Variants in YWHAG observed in about 807,000 individuals in gnomAD.
The protein encoded by YWHAG is tyrosine 3-monooxygenase/tryptophan 5-monooxygenase activation protein gamma, also known as 14-3-3 protein gamma.
In YWHAG, 1 loss-of-function variant was observed where a neutral mutation model predicts 23.3. The ratio of observed to expected loss-of-function variants is 0.04; its 90% CI spans 0.02 to 0.20. The LOEUF is 0.20. Ranked by LOEUF, YWHAG falls within the 10% of genes least tolerant of loss-of-function variation. YWHAG has a pLI of 1.00. For missense variants in YWHAG, 151 were observed against 338.6 expected, an observed-to-expected ratio of 0.45 and a Z score of 4.35; for synonymous variants, 160 against 144.0, an observed-to-expected ratio of 1.11 and a Z score of -0.80.
At chr7:76,331,399 C>T (rs75647483) in intron 1 of YWHAG, among the ~76,000 whole-genome samples, 2,209 of 152,130 alleles carry the variant, frequency 0.015, 57 homozygotes, top group African/African-American at 0.05. Flanking sequence ...CATACAGAGA[C>T]GACAGGTAGG....
chr7:76,348,138 C>A (rs58694765), intron 1 of YWHAG, among the ~76,000 whole-genome samples: 1 of 152,154 alleles, frequency 6.6e-6, no homozygotes, highest in Non-Finnish European at 1.5e-5. Flanking sequence ...TTCCATGCAT[C>A]TGCAAGCAAT....
At position 76,342,800 on chromosome 7, in the gene YWHAG, G is replaced by A. The variant is rs570511521; in HGVS notation, c.88-12567C>T. Among the ~76,000 whole-genome samples the A allele has an allele frequency of 3.3e-5, 5 of 152,192 alleles. No homozygotes were observed. In the South Asian group the frequency reaches 1.0e-3, roughly 32 times the overall value. ...TTTATCATAGATCTGACTTGGAAGT[G>A]GCGGGGAGAGAGGACTTTCCCACCA... is the stretch of plus-strand genomic sequence containing the variant. On this transcript the variant is annotated intron_variant, in intron 1 of 1. Transcript: ENST00000307630.
intron 1 of YWHAG, among the ~76,000 whole-genome samples, chr7:76,339,717 A>T (rs1318076672): frequency 6.6e-6 from 1 of 152,176 alleles, no homozygotes; most frequent in Non-Finnish European, 1.5e-5. Context: ...CAACACGAAG[A>T]CCGTAAGGAT....
chr7:76,339,453 G>A (rs1042670125), intron 1 of YWHAG, among the ~76,000 whole-genome samples: 3 of 152,108 alleles, frequency 2.0e-5, no homozygotes, highest in Non-Finnish European at 2.9e-5. Flanking sequence ...CTGGGCAACA[G>A]AGCAAGATTA....
At chr7:76,349,448 C>G (rs1018669153) in intron 1 of YWHAG, among the ~76,000 whole-genome samples, 36 of 146,292 alleles carry the variant, frequency 2.5e-4, no homozygotes, top group Non-Finnish European at 4.2e-4. Flanking sequence ...CACACAGACA[C>G]ACACACACAC....
chr7:76,354,568 T>A (rs1803922984), intron 1 of YWHAG, among the ~76,000 whole-genome samples: 1 of 152,134 alleles, frequency 6.6e-6, no homozygotes. Context: ...TTAGGACTGC[T>A]GATATTGGGA....
At chr7:76,340,068 G>C (rs573154978) in intron 1 of YWHAG, among the ~76,000 whole-genome samples, 13 of 151,988 alleles carry the variant, frequency 8.6e-5, no homozygotes, top group Non-Finnish European at 1.6e-4. Context: ...CTGCCTGGGC[G>C]ACACAGCGAG....
At chr7:76,347,096 C>A (rs1169526307) in intron 1 of YWHAG, among the ~76,000 whole-genome samples, 2 of 152,156 alleles carry the variant, frequency 1.3e-5, no homozygotes, top group African/African-American at 4.8e-5. Flanking sequence ...AGGAAACCCT[C>A]CCTGACGACC....
chr7:76,348,535 C>T (rs1020475139), intron 1 of YWHAG, among the ~76,000 whole-genome samples: 6 of 151,546 alleles, frequency 4.0e-5, no homozygotes, highest in African/African-American at 1.5e-4. Context: ...TCCCGAGTAG[C>T]TGGGGCTACA....
At chr7:76,348,581 T>C (rs926025432) in intron 1 of YWHAG, among the ~76,000 whole-genome samples, 1 of 152,124 alleles carries the variant, frequency 6.6e-6, no homozygotes, top group Non-Finnish European at 1.5e-5. Flanking sequence ...TTTTTTTGTA[T>C]TTTTAGTAGA....
chr7:76,355,083 A>C (rs1004160712), intron 1 of YWHAG, among the ~76,000 whole-genome samples: 8 of 152,196 alleles, frequency 5.3e-5, no homozygotes, highest in Non-Finnish European at 1.2e-4. Context: ...TGTAGTCCAG[A>C]CCGGCATCAC....
rs1803452107 is a variant in YWHAG at position 76,327,009 on chromosome 7, A to G, written c.*2568T>C. ...AAGCACAAAGGCTCATTCAGAGAACATATTTGTTGTTCTCCAACACTGTAA... is the reference window on the plus strand; with the variant it reads ...AAGCACAAAGGCTCATTCAGAGAACGTATTTGTTGTTCTCCAACACTGTAA... On this transcript the variant is annotated 3_prime_UTR_variant, in exon 2 of 2. Transcript: ENST00000307630. 1 of 152,662 alleles carries G rather than the reference A, an allele frequency of 6.6e-6. No individual in the cohort carries two copies. The highest frequency in any genetic ancestry group is 1.5e-5 in the Non-Finnish European group (1 of 68,044). 9.5% of individuals were successfully genotyped at this position (152,662 alleles called of 1,614,324 possible). A position where few individuals can be genotyped will look rare whatever the true frequency, so the allele number is the denominator to read the frequency against.
At chr7:76,344,928 G>C (rs528417273) in intron 1 of YWHAG, among the ~76,000 whole-genome samples, 20 of 152,168 alleles carry the variant, frequency 1.3e-4, no homozygotes, top group Admixed American at 2.6e-4. Flanking sequence ...AAAGTTCATG[G>C]AGACCCAGCA....
chr7:76,337,361 G>A (rs1803630929), intron 1 of YWHAG, among the ~76,000 whole-genome samples: 2 of 152,120 alleles, frequency 1.3e-5, no homozygotes, highest in South Asian at 4.1e-4. Context: ...GGGTACTTAA[G>A]TGACCAGCCC....
chr7:76,333,582 A>C (rs1178279025), intron 1 of YWHAG, among the ~76,000 whole-genome samples: 1 of 152,102 alleles, frequency 6.6e-6, no homozygotes, highest in East Asian at 1.9e-4. Flanking sequence ...TCTCTATATT[A>C]AGCGGAAACT....
In YWHAG at chr7:76,328,561, C is replaced by T. The variant is rs1281199937; in HGVS notation, c.*1016G>A. ...CTCTCCGACCCCACAGCTTCTGCAC[C>T]CAGCTGCGTCCGCCAGCACGAGGCG... is the stretch of plus-strand genomic sequence containing the variant. On this transcript the variant is annotated 3_prime_UTR_variant, in exon 2 of 2. Transcript: ENST00000307630. 1 of 152,212 alleles carries T rather than the reference C, an allele frequency of 6.6e-6. No homozygotes were observed. The highest frequency in any genetic ancestry group is 2.4e-5 in the African/African-American group (1 of 41,444). The allele number at this position is 152,212 out of a possible 1,614,324, so 9.4% of individuals were successfully genotyped here.
rs1381506583 is a variant in YWHAG, at chr7:76,328,552, C to G, written c.*1025G>C. 1.3e-5 allele frequency: 2 copies of G among 152,248 alleles called. No homozygotes were observed. Among genetic ancestry groups the G allele is most frequent in the Admixed American group, 6.5e-5 (1 of 15,274 alleles). The allele number at this position is 152,248 out of a possible 1,614,324, so 9.4% of individuals were successfully genotyped here. On this transcript the variant is annotated 3_prime_UTR_variant, in exon 2 of 2. Transcript: ENST00000307630. The stretch of plus-strand genomic sequence containing the variant: ...TCCAAACGCCTCTCCGACCCCACAG[C>G]TTCTGCACCCAGCTGCGTCCGCCAG...
intron 1 of YWHAG, among the ~76,000 whole-genome samples, chr7:76,342,964 C>T (rs1316067729): frequency 2.6e-5 from 4 of 152,046 alleles, no homozygotes; most frequent in South Asian, 2.1e-4. Flanking sequence ...TCATGAAGCC[C>T]CGTCTCTACT....
chr7:76,356,557 T>C (rs1272285149), intron 1 of YWHAG, among the ~76,000 whole-genome samples: 1 of 152,148 alleles, frequency 6.6e-6, no homozygotes, highest in Non-Finnish European at 1.5e-5. Context: ...ACCTGCCAAA[T>C]TAATTATCTG....
Sources: allele counts gnomAD v4.1 joint callset (sites outside exome capture counted in the v4.1 genomes callset), GRCh38; gene constraint gnomAD v4.1.1; transcripts MANE v1.5; gene names NCBI Gene and HGNC (gene_info 2026-07-23, HGNC 2026-07-21).